Variants in CTSC observed in about 807,000 individuals in gnomAD.
CTSC encodes cathepsin C.
CTSC carries 37 observed loss-of-function variants against 40.9 expected under a neutral mutation model. The ratio of observed to expected loss-of-function variants is 0.91; its 90% CI spans 0.70 to 1.19. CTSC has a LOEUF of 1.19. CTSC is among the 50% of genes most tolerant of loss of function. The pLI is 0.00. For missense variants in CTSC, 594 were observed against 567.3 expected (o/e 1.05, Z -0.48); for synonymous variants, 232 against 207.4 (o/e 1.12, Z -1.02).
At chr11:88,306,446 C>G (rs1937633070) in intron 4 of CTSC, among the ~76,000 whole-genome samples, 3 of 151,340 alleles carry the variant, frequency 2.0e-5, no homozygotes, top group Admixed American at 1.3e-4. Flanking sequence ...CCCATCCTTC[C>G]CCCATATAAA....
chr11:88,309,363 G>A (rs753783215), intron 3 of CTSC, 45 bp from the exon 4 acceptor site: 7 of 1,486,376 alleles, frequency 4.7e-6, no homozygotes, highest in Non-Finnish European at 6.6e-6. Context: ...CTTTACTGAT[G>A]TAAATAGAGT....
rs1944297448 is a variant in CTSC at position 88,296,233 on chromosome 11, A to G, written c.789T>C (p.Ser263=). Residue 263 remains serine (S), a synonymous_variant, in exon 6 of 7, where the codon TCT becomes TCC. Transcript: ENST00000227266. Reference sequence around the variant, plus strand: ...GGATTCTCGCTTCTAGCATACCCATAGAAGCAAATGAGTAGCAGCTGCCAC... The same window carrying G: ...GGATTCTCGCTTCTAGCATACCCATGGAAGCAAATGAGTAGCAGCTGCCAC... ...ASCGSCYSFA[S]MGMLEARIRI... is the part of the protein sequence containing the mutation. 3 of 1,613,948 alleles carry G rather than the reference A, an allele frequency of 1.9e-6. No individual in the cohort carries two copies. The highest frequency in any genetic ancestry group is 1.7e-6 in the Non-Finnish European group (2 of 1,179,936).
Position 88,335,348 on chromosome 11 carries a change from G to C in CTSC, c.173-266C>G, listed in dbSNP as rs534103054. Reference sequence around the variant, plus strand: ...CACGCCTGTAATCCTAGCACTTTGCGGGGCTGAGGTCAGAACTTCAAGACT... The same window carrying C: ...CACGCCTGTAATCCTAGCACTTTGCCGGGCTGAGGTCAGAACTTCAAGACT... On this transcript the variant is annotated intron_variant, in intron 1 of 6. Coordinates refer to ENST00000227266, the MANE Select transcript of CTSC (RefSeq NM_001814.6). 3.9e-5 allele frequency among the ~76,000 whole-genome samples: 6 copies of C among 152,102 alleles called. No individual in the cohort carries two copies. In the South Asian group the frequency reaches 6.2e-4, roughly 16 times the overall value.
chr11:88,295,693 T>C (rs1426416197), intron 6 of CTSC, among the ~76,000 whole-genome samples: 2 of 152,118 alleles, frequency 1.3e-5, no homozygotes, highest in African/African-American at 4.8e-5. Flanking sequence ...AAGTACAGAA[T>C]TTTAAAATTC....
rs1565256412 is a variant in CTSC, at chr11:88,312,565, A to G, written c.319-11T>C. ...GCCCTCTTCTTTATACTGCAAACAAATAAGAGAAAAGAAAACCAAGTAAAA... is the reference window on the plus strand; with the variant it reads ...GCCCTCTTCTTTATACTGCAAACAAGTAAGAGAAAAGAAAACCAAGTAAAA... On this transcript the variant is annotated splice_polypyrimidine_tract_variant and intron_variant, in intron 2 of 6. Coordinates refer to ENST00000227266, the MANE Select transcript of CTSC (RefSeq NM_001814.6). The G allele has an allele frequency of 2.5e-6, 4 of 1,614,040 alleles. No individual in the cohort carries two copies. Among genetic ancestry groups the G allele is most frequent in the East Asian group, 2.2e-5 (1 of 44,880 alleles).
intron 2 of CTSC, chr11:88,324,407 A>G: frequency 1.0e-6 from 1 of 983,616 alleles, no homozygotes; most frequent in Non-Finnish European, 1.2e-6. Context: ...TTCTTTTAAA[A>G]CTCTGCAGGA....
intron 1 of CTSC, among the ~76,000 whole-genome samples, chr11:88,337,202 A>C (rs1938521214): frequency 1.3e-5 from 2 of 152,248 alleles, no homozygotes; most frequent in African/African-American, 4.8e-5. Flanking sequence ...AAACGATTGC[A>C]GTTCCCAAGT....
intron 2 of CTSC, among the ~76,000 whole-genome samples, chr11:88,320,141 C>T (rs1025118739): frequency 1.3e-5 from 2 of 152,056 alleles, no homozygotes; most frequent in Non-Finnish European, 2.9e-5. Context: ...TTTAAAAAGT[C>T]GAATTGTAAT....
rs774442442 is a variant in CTSC, at chr11:88,334,961, G to T, written c.294C>A (p.Asp98Glu). ...YNQGFEIVLN[D>E]YKWFAFFKYK... ...CCTTAAAAAAGGCAAACCACTTGTA[G>T]TCATTCAACACAATCTCAAAGCCTT... Residue 98 changes from aspartate to glutamate, a missense_variant, in exon 2 of 7, where the codon GAC becomes GAA. Coordinates refer to ENST00000227266, the MANE Select transcript of CTSC (RefSeq NM_001814.6). 3.1e-6 allele frequency: 5 copies of T among 1,612,544 alleles called. No individual in the cohort carries two copies. In the African/African-American group the frequency reaches 6.7e-5, roughly 22 times the overall value.
At chr11:88,298,468 C>T (rs1186443320) in intron 5 of CTSC, 1 of 152,178 alleles carries the variant, frequency 6.6e-6, no homozygotes, top group Non-Finnish European at 1.5e-5. Context: ...TGCTCTCTGA[C>T]TACAGAAAAG....
chr11:88,329,853 A>C (rs1938302715), intron 2 of CTSC, among the ~76,000 whole-genome samples: 1 of 152,174 alleles, frequency 6.6e-6, no homozygotes, highest in Non-Finnish European at 1.5e-5. Context: ...CGGCCTCCCA[A>C]GTAACTGGGA....
rs184147660 is a variant in CTSC, at chr11:88,306,835, C to T, written c.641+2328G>A. ...CTGATTAACACAAGCCATCTGCAGACGGCTAAGCTGAAAGAGCACACTGTA... is the reference window on the plus strand; with the variant it reads ...CTGATTAACACAAGCCATCTGCAGATGGCTAAGCTGAAAGAGCACACTGTA... On this transcript the variant is annotated intron_variant, in intron 4 of 6. Coordinates refer to ENST00000227266, the MANE Select transcript of CTSC (RefSeq NM_001814.6). Among the ~76,000 whole-genome samples the T allele has an allele frequency of 1.4e-3, 207 of 152,340 alleles. 5 individuals carry two copies. Among genetic ancestry groups the T allele is most frequent in the African/African-American group, 4.7e-3 (194 of 41,592 alleles).
At chr11:88,322,421 A>G (rs1938044549) in intron 2 of CTSC, 1 of 152,168 alleles carries the variant, frequency 6.6e-6, no homozygotes, top group African/African-American at 2.4e-5. Flanking sequence ...TGATTTTCGT[A>G]TATGGATTAA....
chr11:88,325,147 G>A, intron 2 of CTSC: 5 of 984,980 alleles, frequency 5.1e-6, no homozygotes, highest in Non-Finnish European at 6.0e-6. Context: ...GCAGGAAAGA[G>A]CTAGAAGATA....
intron 4 of CTSC, 86 bp downstream of exon 4, chr11:88,309,077 C>T (rs535912268): frequency 4.1e-5 from 50 of 1,206,122 alleles, no homozygotes; most frequent in South Asian, 5.0e-5. Context: ...AATAAAATGG[C>T]GAGCAACACT....
At chr11:88,327,893 T>G in intron 2 of CTSC, 1 of 560,410 alleles carries the variant, frequency 1.8e-6, no homozygotes, top group Non-Finnish European at 3.2e-6. Flanking sequence ...ATTTGACATG[T>G]GAAAACAGAA....
intron 5 of CTSC, 55 bp downstream of exon 5, chr11:88,300,475 T>C (rs1227695719): frequency 9.4e-7 from 1 of 1,066,180 alleles, no homozygotes; most frequent in Non-Finnish European, 1.5e-6. Flanking sequence ...ACAGAGCAAC[T>C]GTTCAATAAA....
chr11:88,327,552 G>A (rs1487595990), intron 2 of CTSC, among the ~76,000 whole-genome samples: 2 of 152,182 alleles, frequency 1.3e-5, no homozygotes, highest in Admixed American at 6.5e-5. Context: ...AATGTAAAGA[G>A]TGAATAAGAT....
intron 4 of CTSC, among the ~76,000 whole-genome samples, chr11:88,306,941 C>T (rs567408907): frequency 6.6e-6 from 1 of 152,340 alleles, no homozygotes; most frequent in Admixed American, 6.5e-5. Context: ...AAAGCACCCC[C>T]CATGGCCTCT....
Sources: gnomAD v4.1 joint callset for allele counts (sites outside exome capture counted in the v4.1 genomes callset) on GRCh38, gnomAD v4.1.1 for gene constraint, MANE v1.5 for transcripts, NCBI Gene and HGNC (gene_info 2026-07-23, HGNC 2026-07-21) for gene names.